The following S100Z variants were observed in gnomAD, a reference collection of about 807,000 sequenced individuals.
The protein encoded by S100Z is protein S100-Z.
In S100Z, 11 loss-of-function variants were observed where a neutral mutation model predicts 8.5. The observed-to-expected ratio is 1.30, with a 90% CI of 0.82 to 2.15. S100Z has a LOEUF of 2.15. Among genes scored for constraint, S100Z ranks in the 30% most tolerant of loss-of-function variants. The probability of loss-of-function intolerance (pLI) is 0.00; values close to 1 mark genes in which losing one functional copy is unlikely to be tolerated. For synonymous variants in S100Z, 34 were observed against 43.8 expected, an observed-to-expected ratio of 0.78 and a Z score of 0.89; for missense variants, 126 against 117.9, an observed-to-expected ratio of 1.07 and a Z score of -0.32.
chr5:76,853,051 G>T (rs1579986764), intron 1 of S100Z, among the ~76,000 whole-genome samples: 1 of 152,166 alleles, frequency 6.6e-6, no homozygotes, highest in African/African-American at 2.4e-5. Flanking sequence ...CAAGTCTAAG[G>T]CTGATGATTC....
At chr5:76,924,817 G>A (rs1254342426), downstream of S100Z, among the ~76,000 whole-genome samples, 1 of 152,130 alleles carries the variant, frequency 6.6e-6, no homozygotes, top group African/African-American at 2.4e-5. Flanking sequence ...GGAGGCTGAG[G>A]TAGGAGAATC....
chr5:76,892,973 A>G (rs1743917896), intron 4 of S100Z, among the ~76,000 whole-genome samples: 1 of 152,178 alleles, frequency 6.6e-6, no homozygotes, highest in Non-Finnish European at 1.5e-5. Context: ...GTTTTAGGGT[A>G]AAGATCTTGG....
chr5:76,879,904 C>T (rs892461740), intron 4 of S100Z, among the ~76,000 whole-genome samples: 1 of 152,072 alleles, frequency 6.6e-6, no homozygotes, highest in African/African-American at 2.4e-5. Flanking sequence ...TGGAGGTTGT[C>T]TCACGCATCT....
At chr5:76,873,771 C>T (rs1390822955) in intron 2 of S100Z, among the ~76,000 whole-genome samples, 2 of 152,208 alleles carry the variant, frequency 1.3e-5, no homozygotes, top group East Asian at 1.9e-4. Context: ...GCTTGCTTTC[C>T]GTATAATTAA....
chr5:76,873,368 C>T lies in S100Z; in HGVS notation c.-56-1936C>T, dbSNP rs200876889. Among the ~76,000 whole-genome samples the T allele has an allele frequency of 7.4e-5, 11 of 147,974 alleles. No homozygotes were observed. In the East Asian group the frequency reaches 9.9e-4, roughly 13 times the overall value. On this transcript the variant is annotated intron_variant, in intron 2 of 4. Transcript: ENST00000317593. ...TGTCACCCAGGATGGAGTGCAGGGA[C>T]GTGATCTTGGCTCATTGCAACCTCC...
At chr5:76,950,380 A>T in the S100Z span, among the ~76,000 whole-genome samples, 3 of 152,304 alleles carry the variant, frequency 2.0e-5, no homozygotes, top group Admixed American at 1.3e-4. Flanking sequence ...TGTGTGTCTC[A>T]TCAGTCTAGG....
At chr5:76,913,009 G>C (rs1744722458) in intron 4 of S100Z, among the ~76,000 whole-genome samples, 1 of 152,164 alleles carries the variant, frequency 6.6e-6, no homozygotes, top group African/African-American at 2.4e-5. Flanking sequence ...TCAAAGAGAA[G>C]AAAGAGAGAT....
rs1215661032 is a variant in S100Z, at chr5:76,911,878, C to A, written c.*3-8839C>A. Among the ~76,000 whole-genome samples, 9 of 152,248 alleles carry A rather than the reference C, an allele frequency of 5.9e-5. No individual in the cohort carries two copies. The East Asian group carries it at 1.4e-3, about 23-fold the overall frequency. On this transcript the variant is annotated intron_variant, in intron 4 of 4. Transcript: ENST00000317593. The stretch of plus-strand genomic sequence containing the variant: ...AACAGTTGCGGGGGTTCCTTGGAAT[C>A]ACCGGCTTTTGCTGACTATGGATCC...
chr5:76,861,636 G>T (rs999547080), intron 1 of S100Z, among the ~76,000 whole-genome samples: 34 of 152,212 alleles, frequency 2.2e-4, no homozygotes, highest in Non-Finnish European at 2.9e-5. Flanking sequence ...ACTGTGCCCG[G>T]CCAAAGCCAG....
intron 4 of S100Z, among the ~76,000 whole-genome samples, chr5:76,882,833 G>C (rs1743460076): frequency 6.6e-6 from 1 of 152,104 alleles, no homozygotes; most frequent in South Asian, 2.1e-4. Flanking sequence ...TAGGATGAAG[G>C]GTGCAAGGAA....
At chr5:76,852,678 G>A (rs904794298) in intron 1 of S100Z, among the ~76,000 whole-genome samples, 4 of 152,134 alleles carry the variant, frequency 2.6e-5, no homozygotes, top group Admixed American at 2.0e-4. Context: ...CTACTGCACT[G>A]CACTCCAGCC....
chr5:76,915,374 C>T (rs912433068), intron 4 of S100Z, among the ~76,000 whole-genome samples: 2 of 150,198 alleles, frequency 1.3e-5, no homozygotes, highest in Admixed American at 6.7e-5. Context: ...GAGGCCGAGG[C>T]GGGCAGACCA....
At chr5:76,877,263 G>A (rs924736818) in intron 3 of S100Z, among the ~76,000 whole-genome samples, 1 of 152,140 alleles carries the variant, frequency 6.6e-6, no homozygotes, top group African/African-American at 2.4e-5. Context: ...ATAAATAAAA[G>A]CATTTAAAAT....
chr5:76,950,596 G>C, the S100Z span, among the ~76,000 whole-genome samples: 1 of 152,018 alleles, frequency 6.6e-6, no homozygotes, highest in African/African-American at 2.4e-5. Context: ...CACCTATCCG[G>C]GACTGTATAA....
chr5:76,866,350 G>A (rs1742731554), intron 1 of S100Z, among the ~76,000 whole-genome samples: 1 of 152,060 alleles, frequency 6.6e-6, no homozygotes, highest in Admixed American at 6.5e-5. Context: ...CTCCCCAAGT[G>A]CTAGGATTAC....
the S100Z span, among the ~76,000 whole-genome samples, chr5:76,929,672 T>A: frequency 6.6e-6 from 1 of 152,222 alleles, no homozygotes; most frequent in African/African-American, 2.4e-5. Flanking sequence ...AAGCAGAGGC[T>A]GAATGTTATT....
chr5:76,927,618 G>A, the S100Z span, among the ~76,000 whole-genome samples: 1 of 152,218 alleles, frequency 6.6e-6, no homozygotes, highest in Non-Finnish European at 1.5e-5. Context: ...AGGCCCCTGA[G>A]GAAAGCTGTC....
At chr5:76,926,229 A>ATCTATCAC (rs1217477894), downstream of S100Z, among the ~76,000 whole-genome samples, 23 of 152,276 alleles carry the variant, frequency 1.5e-4, no homozygotes, top group East Asian at 4.1e-3. Context: ...GAATTGTCCA[A>ATCTATCAC]TCTGGTGAGT....
chr5:76,947,998 A>C, the S100Z span, among the ~76,000 whole-genome samples: 74 of 152,268 alleles, frequency 4.9e-4, no homozygotes, highest in African/African-American at 1.7e-3. Flanking sequence ...AACAAAAGCA[A>C]AAATAGGCTA....
Sources: gnomAD v4.1 joint callset for allele counts (sites outside exome capture counted in the v4.1 genomes callset) on GRCh38, gnomAD v4.1.1 for gene constraint, MANE v1.5 for transcripts, NCBI Gene and HGNC (gene_info 2026-07-23, HGNC 2026-07-21) for gene names.